The following COL7A1 variants were observed in gnomAD, a reference collection of about 807,000 sequenced individuals.
The protein encoded by COL7A1 is collagen alpha-1(VII) chain.
Under a neutral mutation model 456.2 loss-of-function variants are expected in COL7A1, and 296 were observed. That is an observed-to-expected ratio of 0.65 (90% confidence interval 0.59 to 0.71). COL7A1 has a LOEUF of 0.71. Ranked by LOEUF, COL7A1 falls within the 30% of genes least tolerant of loss-of-function variation. The probability of loss-of-function intolerance (pLI) is 0.00; values close to 1 mark genes in which losing one functional copy is unlikely to be tolerated. For synonymous variants in COL7A1, 1,464 were observed against 1,525.9 expected (o/e 0.96, Z 0.95); for missense variants, 3,441 against 4,017.2 (o/e 0.86, Z 3.88).
chr3:48,573,453 C>T lies in COL7A1; in HGVS notation c.6618+60G>A. ...CAGCCCAGGAGGTTGGCGCACACTA[C>T]CCCAGGCATGGACACAGCTTGAAGG... On this transcript the variant is annotated intron_variant, in intron 83 of 118. Coordinates refer to ENST00000681320, the MANE Select transcript of COL7A1 (RefSeq NM_000094.4). This position sits in a 1 kb window ranked among gnomAD's most constrained non-coding sequence, Gnocchi z 5.5. 2 of 1,613,584 alleles carry T rather than the reference C, an allele frequency of 1.2e-6. No individual in the cohort carries two copies. The highest frequency in any genetic ancestry group is 3.3e-5 in the Admixed American group (2 of 60,018).
At position 48,568,052 on chromosome 3, in the gene COL7A1, T is replaced by A; in HGVS notation, c.7875+38A>T. ...TCCCTCGCCCTTCAACATTAGGCCTTCCTGACCAGAAAAAAACCAATCTTG... is the reference window on the plus strand; with the variant it reads ...TCCCTCGCCCTTCAACATTAGGCCTACCTGACCAGAAAAAAACCAATCTTG... On this transcript the variant is annotated intron_variant, in intron 106 of 118. Transcript: ENST00000681320. This position sits in a 1 kb window ranked among gnomAD's most constrained non-coding sequence, Gnocchi z 5.2. 1 of 1,613,402 alleles carries A rather than the reference T, an allele frequency of 6.2e-7. No homozygotes were observed. Among genetic ancestry groups the A allele is most frequent in the South Asian group, 1.1e-5 (1 of 91,052 alleles).
At position 48,568,720 on chromosome 3, in the gene COL7A1, A is replaced by G; in HGVS notation, c.7758+64T>C. On this transcript the variant is annotated intron_variant, in intron 104 of 118. Transcript: ENST00000681320. This position sits in a 1 kb window ranked among gnomAD's most constrained non-coding sequence, Gnocchi z 5.2. Reference sequence around the variant, plus strand: ...CCCAGCACTTAAGAGGACCCCCAGGATATGTGTGTGTGTGATGCTGGCTCT... The same window carrying G: ...CCCAGCACTTAAGAGGACCCCCAGGGTATGTGTGTGTGTGATGCTGGCTCT... The G allele has an allele frequency of 6.6e-7, 1 of 1,517,756 alleles. No individual in the cohort carries two copies. Among genetic ancestry groups the G allele is most frequent in the Non-Finnish European group, 9.0e-7 (1 of 1,117,068 alleles). The allele number at this position is 1,517,756 out of a possible 1,614,324, so 94.0% of individuals were successfully genotyped here.
At position 48,587,051 on chromosome 3, in the gene COL7A1, G is replaced by A. The variant is rs745416469; in HGVS notation, c.3197C>T (p.Ala1066Val). ...VFLPHATQDN[A>V]HRAEATRRVL... is the part of the protein sequence containing the mutation. ...CCTCCTCGTAGCCTCCGCACGGTGA[G>A]CATTGTCTTGAGTGGCATGTGGTAG... Residue 1066 changes from alanine (A) to valine (V), a missense_variant, in exon 25 of 119, where the codon GCT becomes GTT. Ala to Val is a moderately conservative substitution (Grantham distance 64). This residue lies in a region of COL7A1 where 444 missense variants were observed against 427.6 expected (regional missense o/e 1.04). Transcript: ENST00000681320. This position sits in a 1 kb window ranked among gnomAD's most constrained non-coding sequence, Gnocchi z 6.1. 1 of 1,609,508 alleles carries A rather than the reference G, an allele frequency of 6.2e-7. No homozygotes were observed. The highest frequency in any genetic ancestry group is 8.5e-7 in the Non-Finnish European group (1 of 1,178,004).
chr3:48,581,188 A>G lies in COL7A1; in HGVS notation c.4900-31T>C. The G allele has an allele frequency of 6.2e-7, 1 of 1,613,222 alleles. No homozygotes were observed. Among genetic ancestry groups the G allele is most frequent in the Non-Finnish European group, 8.5e-7 (1 of 1,179,710 alleles). On this transcript the variant is annotated intron_variant, in intron 52 of 118. Transcript: ENST00000681320. The surrounding 1 kb of genome is among the most constrained non-coding windows in gnomAD (Gnocchi z 5.8). ...AAACATGAGAGTCAGCCCTGGTTCC[A>G]AGAACCCCCATGATGCTGGCAACAG... is the stretch of plus-strand genomic sequence containing the variant.
Position 48,591,390 on chromosome 3 carries a change from C to T in COL7A1, c.1636+74G>A, listed in dbSNP as rs1033592610. The T allele has an allele frequency of 3.8e-6, 6 of 1,586,506 alleles. No homozygotes were observed. The African/African-American group carries it at 8.1e-5, about 21-fold the overall frequency. On this transcript the variant is annotated intron_variant, in intron 13 of 118. Coordinates refer to ENST00000681320, the MANE Select transcript of COL7A1 (RefSeq NM_000094.4). This position sits in a 1 kb window ranked among gnomAD's most constrained non-coding sequence, Gnocchi z 7.0. ...GGGACCCAGGTGTGGAAGGAGAGGG[C>T]TGGAGGTACACTCAGACCCCTCAGG...
In COL7A1 at chr3:48,571,841, A is replaced by T; in HGVS notation, c.7068+160T>A. 1.2e-6 allele frequency: 1 copy of T among 867,750 alleles called. No homozygotes were observed. The highest frequency in any genetic ancestry group is 1.8e-6 in the Non-Finnish European group (1 of 547,344). 53.8% of individuals were successfully genotyped at this position (867,750 alleles called of 1,614,324 possible). On this transcript the variant is annotated intron_variant, in intron 92 of 118. Coordinates refer to ENST00000681320, the MANE Select transcript of COL7A1 (RefSeq NM_000094.4). This position sits in a 1 kb window ranked among gnomAD's most constrained non-coding sequence, Gnocchi z 4.6. Reference sequence around the variant, plus strand: ...CAGAGCTCAGAGTGTGGAAGCCGACAGTGTGTGGCTCCCTGTGATCCAGAG... The same window carrying T: ...CAGAGCTCAGAGTGTGGAAGCCGACTGTGTGTGGCTCCCTGTGATCCAGAG...
In COL7A1 at chr3:48,574,749, C is replaced by G. The variant is rs1560214349; in HGVS notation, c.6349-28G>C. 1.2e-6 allele frequency: 2 copies of G among 1,613,936 alleles called. No homozygotes were observed. The highest frequency in any genetic ancestry group is 3.3e-5 in the Admixed American group (2 of 60,024). On this transcript the variant is annotated intron_variant, in intron 77 of 118. Transcript: ENST00000681320. This position sits in a 1 kb window ranked among gnomAD's most constrained non-coding sequence, Gnocchi z 5.0. ...GTGGGGATGAGATGTCAAGTCAGTCCCTAGTGCCATGGCAGAGGGTGGCCC... is the reference window on the plus strand; with the variant it reads ...GTGGGGATGAGATGTCAAGTCAGTCGCTAGTGCCATGGCAGAGGGTGGCCC...
chr3:48,567,209 T>C lies in COL7A1; in HGVS notation c.8047-19A>G. On this transcript the variant is annotated intron_variant, in intron 109 of 118. Transcript: ENST00000681320. The surrounding 1 kb of genome is among the most constrained non-coding windows in gnomAD (Gnocchi z 4.3). ...GGTCACCCTGGGAACAGAAGAAGCA[T>C]GAGAGACCTTCTGCCCTGACCTCCC... The C allele has an allele frequency of 6.2e-7, 1 of 1,613,566 alleles. No individual in the cohort carries two copies. Among genetic ancestry groups the C allele is most frequent in the African/African-American group, 1.3e-5 (1 of 74,996 alleles).
At position 48,570,338 on chromosome 3, in the gene COL7A1, G is replaced by T; in HGVS notation, c.7381-4C>A. On this transcript the variant is annotated splice_polypyrimidine_tract_variant and splice_region_variant and intron_variant, in intron 97 of 118. Coordinates refer to ENST00000681320, the MANE Select transcript of COL7A1 (RefSeq NM_000094.4). This position sits in a 1 kb window ranked among gnomAD's most constrained non-coding sequence, Gnocchi z 5.5. ...GCAGCCCTACTCCAGGGTCTCCCTG[G>T]AGACCAACAGGACACCGGGGATCAG... 1 of 1,614,096 alleles carries T rather than the reference G, an allele frequency of 6.2e-7. No individual in the cohort carries two copies. The highest frequency in any genetic ancestry group is 8.5e-7 in the Non-Finnish European group (1 of 1,179,990).
In COL7A1 at chr3:48,574,733, A is replaced by C; in HGVS notation, c.6349-12T>G. ...CTGCCCGGCTCCCCCTGTGGGGATG[A>C]GATGTCAAGTCAGTCCCTAGTGCCA... On this transcript the variant is annotated splice_polypyrimidine_tract_variant and intron_variant, in intron 77 of 118. Coordinates refer to ENST00000681320, the MANE Select transcript of COL7A1 (RefSeq NM_000094.4). The surrounding 1 kb of genome is among the most constrained non-coding windows in gnomAD (Gnocchi z 5.0). 6.2e-7 allele frequency: 1 copy of C among 1,613,918 alleles called. No homozygotes were observed. Among genetic ancestry groups the C allele is most frequent in the Non-Finnish European group, 8.5e-7 (1 of 1,180,010 alleles).
rs2107642617 is a variant in COL7A1, at chr3:48,569,657, G to A, written c.7558-9C>T. On this transcript the variant is annotated splice_polypyrimidine_tract_variant and intron_variant, in intron 101 of 118. Coordinates refer to ENST00000681320, the MANE Select transcript of COL7A1 (RefSeq NM_000094.4). The surrounding 1 kb of genome is among the most constrained non-coding windows in gnomAD (Gnocchi z 4.9). ...ATCACAGCTGAGTCTCCCTGAGGGG[G>A]CAGGCAGGAATCAGAGGAGTCGGGA... The A allele has an allele frequency of 1.2e-6, 2 of 1,613,968 alleles. No individual in the cohort carries two copies. The highest frequency in any genetic ancestry group is 2.2e-5 in the East Asian group (1 of 44,848).
rs941015230 is a variant in COL7A1, at chr3:48,590,260, A to G, written c.2003T>C (p.Leu668Pro). The G allele has an allele frequency of 1.9e-6, 3 of 1,613,832 alleles. No homozygotes were observed. The highest frequency in any genetic ancestry group is 2.5e-6 in the Non-Finnish European group (3 of 1,179,982). Residue 668 changes from leucine to proline, a missense_variant, in exon 16 of 119, where the codon CTG becomes CCG. Leu to Pro is a moderately conservative substitution (Grantham distance 98, BLOSUM62 -3). Transcript: ENST00000681320. The surrounding 1 kb of genome is among the most constrained non-coding windows in gnomAD (Gnocchi z 4.6). ...AGCAGGGCCCTCCTCTCTGCCTCGC[A>G]GTACCGACACAGCCACCTGGTAGGT... ...GTTYQVAVSVLRGREEGPAAV... is the reference protein window; with the variant it reads ...GTTYQVAVSVPRGREEGPAAV...
chr3:48,571,213 C>A lies in COL7A1; in HGVS notation c.7104+30G>T. ...GCTCAGGGAGTCTCACGACCAGGACCCCAGCAGGGACCCTTCTGGGTACAC... is the reference window on the plus strand; with the variant it reads ...GCTCAGGGAGTCTCACGACCAGGACACCAGCAGGGACCCTTCTGGGTACAC... On this transcript the variant is annotated intron_variant, in intron 93 of 118. Transcript: ENST00000681320. This position sits in a 1 kb window ranked among gnomAD's most constrained non-coding sequence, Gnocchi z 4.6. 1 of 1,614,112 alleles carries A rather than the reference C, an allele frequency of 6.2e-7. No individual in the cohort carries two copies. The highest frequency in any genetic ancestry group is 8.5e-7 in the Non-Finnish European group (1 of 1,180,026).
chr3:48,574,570 C>T lies in COL7A1; in HGVS notation c.6394-20G>A, dbSNP rs377059344. 2 of 1,613,732 alleles carry T rather than the reference C, an allele frequency of 1.2e-6. No homozygotes were observed. Among genetic ancestry groups the T allele is most frequent in the African/African-American group, 1.3e-5 (1 of 74,918 alleles). On this transcript the variant is annotated intron_variant, in intron 78 of 118. Transcript: ENST00000681320. This position sits in a 1 kb window ranked among gnomAD's most constrained non-coding sequence, Gnocchi z 5.0. ...CACACCCTGAAGGCAGAGTGTCGTG[C>T]CCTGAGCCCCCAGTCCCTGCCACGT...
In COL7A1 at chr3:48,568,433, G is replaced by A. The variant is rs1341772222; in HGVS notation, c.7794+66C>T. 13 of 1,492,858 alleles carry A rather than the reference G, an allele frequency of 8.7e-6. No individual in the cohort carries two copies. The highest frequency in any genetic ancestry group is 1.2e-5 in the South Asian group (1 of 83,722). 92.5% of individuals were successfully genotyped at this position (1,492,858 alleles called of 1,614,324 possible). ...TAAGGTCAAAAGCTACCACACTGGT[G>A]GGACCACCATGGTGACGGGGGCCCT... On this transcript the variant is annotated intron_variant, in intron 105 of 118. Transcript: ENST00000681320. This position sits in a 1 kb window ranked among gnomAD's most constrained non-coding sequence, Gnocchi z 5.2.
Position 48,581,431 on chromosome 3 carries a change from G to A in COL7A1, c.4818+17C>T, listed in dbSNP as rs371757740. 1.9e-6 allele frequency: 3 copies of A among 1,613,986 alleles called. No homozygotes were observed. Among genetic ancestry groups the A allele is most frequent in the Non-Finnish European group, 2.5e-6 (3 of 1,179,988 alleles). On this transcript the variant is annotated intron_variant, in intron 51 of 118. Transcript: ENST00000681320. This position sits in a 1 kb window ranked among gnomAD's most constrained non-coding sequence, Gnocchi z 5.8. ...ACCCCAGAAGCCTTGAGGTTGCCCA[G>A]GGTAACGGGTACTCACTGGGGGTCC...
At position 48,571,686 on chromosome 3, in the gene COL7A1, G is replaced by C. The variant is rs940869066; in HGVS notation, c.7068+315C>G. The C allele has an allele frequency of 3.1e-6, 2 of 646,960 alleles. No individual in the cohort carries two copies. The highest frequency in any genetic ancestry group is 5.8e-6 in the Non-Finnish European group (2 of 344,204). The allele number at this position is 646,960 out of a possible 1,614,324, so 40.1% of individuals were successfully genotyped here. A position where few individuals can be genotyped will look rare whatever the true frequency, so the allele number is the denominator to read the frequency against. ...AGGGGAAAGGAGGATTGTAAACACAGGACCAAGGAGAGGTTCACAAGAACT... is the reference window on the plus strand; with the variant it reads ...AGGGGAAAGGAGGATTGTAAACACACGACCAAGGAGAGGTTCACAAGAACT... On this transcript the variant is annotated intron_variant, in intron 92 of 118. Transcript: ENST00000681320. The surrounding 1 kb of genome is among the most constrained non-coding windows in gnomAD (Gnocchi z 4.6).
Position 48,566,044 on chromosome 3 carries a change from A to G in COL7A1, c.8407+223T>C, listed in dbSNP as rs1179771111. On this transcript the variant is annotated intron_variant, in intron 114 of 118. Transcript: ENST00000681320. This position sits in a 1 kb window ranked among gnomAD's most constrained non-coding sequence, Gnocchi z 5.9. ...CATCATCCCACTCCCCACACAGCCA[A>G]GCTGGACATCTGAGAGCACTGCATG... Among the ~76,000 whole-genome samples the G allele has an allele frequency of 6.6e-6, 1 of 152,054 alleles. No homozygotes were observed. Among genetic ancestry groups the G allele is most frequent in the Non-Finnish European group, 1.5e-5 (1 of 68,008 alleles).
chr3:48,592,235 C>T lies in COL7A1; in HGVS notation c.1107G>A (p.Gln369=), dbSNP rs1197273468. ...CCTGCCCAGGGCCCAGCTCCTGCTG[C>T]TGTGTGGGCCCACCTGCATGGGGGA... is the stretch of plus-strand genomic sequence containing the variant. The part of the protein sequence containing the change: ...TWRVLSGGPT[Q]QQELGPGQGS... The change falls in exon 10 of 119, where the codon CAG becomes CAA. Residue 369 remains glutamine, a synonymous_variant. Coordinates refer to ENST00000681320, the MANE Select transcript of COL7A1 (RefSeq NM_000094.4). This position sits in a 1 kb window ranked among gnomAD's most constrained non-coding sequence, Gnocchi z 7.6. 1.9e-6 allele frequency: 3 copies of T among 1,613,744 alleles called. No homozygotes were observed. The highest frequency in any genetic ancestry group is 2.7e-5 in the African/African-American group (2 of 74,984).
Sources: allele counts gnomAD v4.1 joint callset (sites outside exome capture counted in the v4.1 genomes callset), GRCh38; gene constraint gnomAD v4.1.1; regional missense constraint gnomAD v4.1.1; non-coding constraint Gnocchi (gnomAD v3.1); transcripts MANE v1.5; gene names NCBI Gene and HGNC (gene_info 2026-07-23, HGNC 2026-07-21).